Variants in DOCK4 observed in about 807,000 individuals in gnomAD.
The protein encoded by DOCK4 is dedicator of cytokinesis 4.
In DOCK4, 97 loss-of-function variants were observed where a neutral mutation model predicts 268.1. The ratio of observed to expected loss-of-function variants is 0.36; its 90% CI spans 0.31 to 0.43. The LOEUF (loss-of-function observed/expected upper bound fraction) is 0.43. Ranked by LOEUF, DOCK4 falls within the 20% of genes least tolerant of loss-of-function variation. DOCK4 has a pLI of 1.00. For synonymous variants in DOCK4, 954 were observed against 887.2 expected, an observed-to-expected ratio of 1.08 and a Z score of -1.34; for missense variants, 2,145 against 2,455.7, an observed-to-expected ratio of 0.87 and a Z score of 2.67.
intron 1 of DOCK4, among the ~76,000 whole-genome samples, chr7:112,106,204 C>T (rs536534965): frequency 1.1e-4 from 17 of 152,190 alleles, no homozygotes; most frequent in Non-Finnish European, 2.4e-4. Flanking sequence ...ACACTAAATT[C>T]TTTCTCTTAG....
chr7:111,835,488 A>T (rs1177058850), intron 25 of DOCK4, among the ~76,000 whole-genome samples: 1 of 152,192 alleles, frequency 6.6e-6, no homozygotes, highest in African/African-American at 2.4e-5. Flanking sequence ...GGATTTGAAG[A>T]CCTACATAAA....
At chr7:111,767,373 C>T (rs1006340526) in intron 37 of DOCK4, among the ~76,000 whole-genome samples, 1 of 151,752 alleles carries the variant, frequency 6.6e-6, no homozygotes, top group Admixed American at 6.6e-5. Context: ...ATTACAGGCA[C>T]GCACCACCAC....
Position 111,823,943 on chromosome 7 carries a change from C to T in DOCK4, c.2836-1487G>A, listed in dbSNP as rs73715270. 2.3e-3 allele frequency among the ~76,000 whole-genome samples: 351 copies of T among 152,220 alleles called. 3 individuals are homozygous for T. Among genetic ancestry groups the T allele is most frequent in the African/African-American group, 8.0e-3 (331 of 41,524 alleles). On this transcript the variant is annotated intron_variant, in intron 26 of 52. Coordinates refer to ENST00000428084, the MANE Select transcript of DOCK4 (RefSeq NM_001363540.2). ...GGTAGCTTTATTTTCTTTTTATATACGCTAACAACTTCAATCAAGTCCATA... is the reference window on the plus strand; with the variant it reads ...GGTAGCTTTATTTTCTTTTTATATATGCTAACAACTTCAATCAAGTCCATA...
intron 8 of DOCK4, among the ~76,000 whole-genome samples, chr7:111,962,686 T>C (rs1355394643): frequency 2.0e-5 from 3 of 151,718 alleles, no homozygotes; most frequent in African/African-American, 7.3e-5. Context: ...ACTTTCTTTT[T>C]CTTAAATGAT....
chr7:111,947,437 T>C (rs914199451), intron 8 of DOCK4, among the ~76,000 whole-genome samples: 5 of 151,946 alleles, frequency 3.3e-5, no homozygotes, highest in Non-Finnish European at 7.3e-5. Context: ...CAATACATAT[T>C]TCTATGGGGT....
chr7:111,736,807 C>A (rs1795523442), intron 50 of DOCK4, 110 bp downstream of exon 50: 2 of 934,224 alleles, frequency 2.1e-6, no homozygotes, highest in African/African-American at 1.6e-5. Context: ...TAGTCCTGAT[C>A]ATTAAAGAGC....
chr7:111,920,682 T>C lies in DOCK4; in HGVS notation c.1067-4778A>G, dbSNP rs537665301. Among the ~76,000 whole-genome samples, 164 of 152,254 alleles carry C rather than the reference T, an allele frequency of 1.1e-3. 1 individual carries two copies. Among genetic ancestry groups the C allele is most frequent in the African/African-American group, 3.7e-3 (154 of 41,544 alleles). ...ATGCACACTCTGAGCAGCAGTAACT[T>C]ATGGCTTGAGAGGAGGGTGGAAAGT... On this transcript the variant is annotated intron_variant, in intron 12 of 52. Transcript: ENST00000428084.
Position 111,758,533 on chromosome 7 carries a change from A to G in DOCK4, c.4329+91T>C, listed in dbSNP as rs1169843290. The G allele has an allele frequency of 2.1e-6, 3 of 1,400,406 alleles. No individual in the cohort carries two copies. In the African/African-American group the frequency reaches 4.3e-5, roughly 20 times the overall value. The allele number at this position is 1,400,406 out of a possible 1,614,324, so 86.7% of individuals were successfully genotyped here. On this transcript the variant is annotated intron_variant, in intron 41 of 52. Coordinates refer to ENST00000428084, the MANE Select transcript of DOCK4 (RefSeq NM_001363540.2). ...GTCCCTTCTGTTTCTGTCACTTGACACTATTCTGAGTAAATATTTACCAAG... is the reference window on the plus strand; with the variant it reads ...GTCCCTTCTGTTTCTGTCACTTGACGCTATTCTGAGTAAATATTTACCAAG...
intron 32 of DOCK4, among the ~76,000 whole-genome samples, chr7:111,786,498 G>A (rs555416196): frequency 1.3e-5 from 2 of 152,324 alleles, no homozygotes; most frequent in Admixed American, 1.3e-4. Flanking sequence ...TCACAAAGAT[G>A]TAGTATGCAT....
chr7:111,903,331 ATAAAACATACAT>A (rs1420014946), intron 13 of DOCK4, among the ~76,000 whole-genome samples: 1 of 152,220 alleles, frequency 6.6e-6, no homozygotes, highest in Non-Finnish European at 1.5e-5. Flanking sequence ...CAAAGAGTCT[ATAAAACATACAT>A]TAGTGGAAAC....
chr7:111,849,514 C>T (rs1378026604), intron 23 of DOCK4, among the ~76,000 whole-genome samples: 3 of 152,218 alleles, frequency 2.0e-5, no homozygotes, highest in African/African-American at 4.8e-5. Flanking sequence ...CCACCCTCCT[C>T]GGCCTCCCAA....
At chr7:111,959,509 G>C (rs980907731) in intron 8 of DOCK4, among the ~76,000 whole-genome samples, 1 of 152,168 alleles carries the variant, frequency 6.6e-6, no homozygotes, top group Non-Finnish European at 1.5e-5. Flanking sequence ...TGTATGAGAC[G>C]AGAAATACTA....
intron 44 of DOCK4, among the ~76,000 whole-genome samples, chr7:111,742,591 G>C (rs1795991995): frequency 6.6e-6 from 1 of 152,152 alleles, no homozygotes; most frequent in African/African-American, 2.4e-5. Flanking sequence ...AGGTTCCTCT[G>C]TGCTCATCCA....
intron 12 of DOCK4, among the ~76,000 whole-genome samples, chr7:111,918,911 T>C (rs1295671639): frequency 6.6e-6 from 1 of 152,158 alleles, no homozygotes; most frequent in Non-Finnish European, 1.5e-5. Flanking sequence ...TACTGGGGCT[T>C]CTCAATGAAT....
At chr7:112,177,593 C>T (rs531164269) in intron 1 of DOCK4, among the ~76,000 whole-genome samples, 1 of 152,284 alleles carries the variant, frequency 6.6e-6, no homozygotes, top group Non-Finnish European at 1.5e-5. Context: ...TCCAATCCGA[C>T]AGAGAAACTG....
At chr7:112,086,429 G>A (rs1809099067) in intron 1 of DOCK4, among the ~76,000 whole-genome samples, 1 of 152,006 alleles carries the variant, frequency 6.6e-6, no homozygotes, top group South Asian at 2.1e-4. Context: ...CTTAACAGGA[G>A]AGTCAATGAA....
chr7:112,153,827 T>C (rs1439262252), intron 1 of DOCK4, among the ~76,000 whole-genome samples: 1 of 152,180 alleles, frequency 6.6e-6, no homozygotes, highest in Non-Finnish European at 1.5e-5. Flanking sequence ...GCAAGCAATG[T>C]GTGCAAGGCA....
intron 36 of DOCK4, among the ~76,000 whole-genome samples, chr7:111,777,683 C>T (rs1020020282): frequency 6.6e-6 from 1 of 152,138 alleles, no homozygotes; most frequent in African/African-American, 2.4e-5. Flanking sequence ...CCACAACTCC[C>T]ATATGTCATG....
chr7:111,960,494 G>A (rs913319089), intron 8 of DOCK4, among the ~76,000 whole-genome samples: 1 of 146,516 alleles, frequency 6.8e-6, no homozygotes, highest in Non-Finnish European at 1.5e-5. Context: ...AACCTACCAT[G>A]AGGTAAAACA....
Sources: gnomAD v4.1 joint callset for allele counts (sites outside exome capture counted in the v4.1 genomes callset) on GRCh38, gnomAD v4.1.1 for gene constraint, MANE v1.5 for transcripts, NCBI Gene and HGNC (gene_info 2026-07-23, HGNC 2026-07-21) for gene names.